Variants in RNF111 observed in about 807,000 individuals in gnomAD.
RNF111 encodes the protein ring finger protein 111.
In RNF111, 17 loss-of-function variants were observed where a neutral mutation model predicts 95.1. The ratio of observed to expected loss-of-function variants is 0.18; its 90% confidence interval spans 0.12 to 0.27. The LOEUF (loss-of-function observed/expected upper bound fraction) is 0.27. RNF111 is among the 10% of genes least tolerant of loss of function. RNF111 has a pLI of 1.00. For synonymous variants in RNF111, 440 were observed against 414.8 expected (o/e 1.06, Z -0.74); for missense variants, 1,189 against 1,210.4 (o/e 0.98, Z 0.26).
At chr15:59,001,117 G>A (rs1046877253) in intron 1 of RNF111, among the ~76,000 whole-genome samples, 6 of 152,178 alleles carry the variant, frequency 3.9e-5, no homozygotes, top group Non-Finnish European at 5.9e-5. Flanking sequence ...GTGAATGAGT[G>A]AGCCTCGTGG....
chr15:58,990,414 C>T (rs1341586979), intron 1 of RNF111, among the ~76,000 whole-genome samples: 1 of 152,180 alleles, frequency 6.6e-6, no homozygotes, highest in Non-Finnish European at 1.5e-5. Flanking sequence ...AATCCCAGCA[C>T]TTTGGGAGGC....
intron 3 of RNF111, among the ~76,000 whole-genome samples, chr15:59,054,390 T>A (rs908404489): frequency 2.0e-5 from 3 of 152,212 alleles, no homozygotes; most frequent in Admixed American, 6.5e-5. Context: ...TACAATATGA[T>A]GCTTTCACAA....
chr15:59,075,170 CAG>C lies in RNF111; in HGVS notation c.1687-781_1687-780del, dbSNP rs548373104. ...GAATTACCAAAATGTGACACAGACA[CAG>C]AGTTTCCACATGCTGTTGGAAAAAT... On this transcript the variant is annotated intron_variant, in intron 6 of 13. Coordinates refer to ENST00000348370, the MANE Select transcript of RNF111 (RefSeq NM_017610.8). 2.1e-3 allele frequency among the ~76,000 whole-genome samples: 325 copies of C among 152,238 alleles called. 1 individual carries two copies. Among genetic ancestry groups the C allele is most frequent in the African/African-American group, 7.1e-3 (294 of 41,542 alleles).
intron 2 of RNF111, among the ~76,000 whole-genome samples, chr15:59,041,707 A>G (rs1253908988): frequency 6.6e-6 from 1 of 152,116 alleles, no homozygotes; most frequent in Non-Finnish European, 1.5e-5. Context: ...ATATGGCCAC[A>G]TTTTTCTCCA....
intron 1 of RNF111, among the ~76,000 whole-genome samples, chr15:58,992,037 G>GTATTT (rs558012796): frequency 4.0e-3 from 606 of 152,058 alleles, no homozygotes; most frequent in East Asian, 0.012. Flanking sequence ...CAAATGTCTG[G>GTATTT]TATTTTATTT....
chr15:59,032,536 G>T (rs1229388345), intron 2 of RNF111, among the ~76,000 whole-genome samples: 1 of 152,006 alleles, frequency 6.6e-6, no homozygotes, highest in South Asian at 2.1e-4. Context: ...GTCCTCCCAC[G>T]TCAGCGCCTC....
chr15:58,990,035 T>C (rs1199535627), intron 1 of RNF111, among the ~76,000 whole-genome samples: 2 of 152,216 alleles, frequency 1.3e-5, no homozygotes, highest in Non-Finnish European at 2.9e-5. Flanking sequence ...AAATATGTTA[T>C]AACTTGACAT....
intron 1 of RNF111, among the ~76,000 whole-genome samples, chr15:59,020,463 T>C (rs1481068610): frequency 6.6e-6 from 1 of 152,178 alleles, no homozygotes; most frequent in Non-Finnish European, 1.5e-5. Context: ...TGTTCAGGCT[T>C]GTGAGGTTAG....
rs7177112 is a variant in RNF111 at position 59,089,648 on chromosome 15, A to G, written c.2551-19A>G. 0.022 allele frequency: 33,838 copies of G among 1,572,144 alleles called. 586 individuals are homozygous for G. Among genetic ancestry groups the G allele is most frequent in the African/African-American group, 0.083 (6,119 of 74,156 alleles). ...TCTATTCTTAAAATTGATTTAGCCT[A>G]TCTCTTCTGTTGAAATAGGTTCCTG... On this transcript the variant is annotated intron_variant, in intron 10 of 13. Coordinates refer to ENST00000348370, the MANE Select transcript of RNF111 (RefSeq NM_017610.8).
chr15:59,063,963 G>C (rs2042546736), intron 5 of RNF111, among the ~76,000 whole-genome samples: 1 of 152,136 alleles, frequency 6.6e-6, no homozygotes, highest in Non-Finnish European at 1.5e-5. Context: ...ATATTGACTT[G>C]TATAACACTT....
intron 1 of RNF111, among the ~76,000 whole-genome samples, chr15:59,023,504 A>T (rs1037216705): frequency 6.6e-6 from 1 of 151,460 alleles, no homozygotes; most frequent in Non-Finnish European, 1.5e-5. Context: ...TGTAAAGGAA[A>T]GTCATTGATT....
chr15:59,073,351 T>G (rs535192472), intron 6 of RNF111, among the ~76,000 whole-genome samples: 1 of 152,056 alleles, frequency 6.6e-6, no homozygotes, highest in South Asian at 2.1e-4. Context: ...CGTGGTGGCA[T>G]GCACCTGTAA....
chr15:59,040,339 G>T (rs1258903367), intron 2 of RNF111, among the ~76,000 whole-genome samples: 1 of 151,858 alleles, frequency 6.6e-6, no homozygotes, highest in African/African-American at 2.4e-5. Flanking sequence ...ACGTTGCCCA[G>T]TTTGGTCTCA....
intron 2 of RNF111, 66 bp downstream of exon 2, chr15:59,031,768 T>C: frequency 1.4e-6 from 2 of 1,428,606 alleles, no homozygotes; most frequent in Non-Finnish European, 1.9e-6. Context: ...AATTTTTTGT[T>C]TGTGTCTTAC....
At chr15:59,019,823 G>A (rs775014685) in intron 1 of RNF111, among the ~76,000 whole-genome samples, 4 of 152,054 alleles carry the variant, frequency 2.6e-5, no homozygotes, top group Non-Finnish European at 5.9e-5. Context: ...GCCAGGTGTG[G>A]TGGTGTGTGC....
intron 2 of RNF111, among the ~76,000 whole-genome samples, chr15:59,048,138 G>A (rs1162931968): frequency 6.6e-6 from 1 of 152,160 alleles, no homozygotes; most frequent in African/African-American, 2.4e-5. Flanking sequence ...GCACATGTTT[G>A]TAGGAAGACT....
At chr15:59,037,078 G>A (rs960317724) in intron 2 of RNF111, among the ~76,000 whole-genome samples, 13 of 150,932 alleles carry the variant, frequency 8.6e-5, no homozygotes, top group African/African-American at 3.2e-4. Flanking sequence ...CTTAAGTGAT[G>A]TGCCTGCCTC....
chr15:58,992,548 T>C (rs1383692840), intron 1 of RNF111, among the ~76,000 whole-genome samples: 1 of 152,220 alleles, frequency 6.6e-6, no homozygotes, highest in Non-Finnish European at 1.5e-5. Flanking sequence ...CTGGGCCCAG[T>C]GGCTCATGCC....
chr15:59,029,422 G>A (rs568588498), intron 1 of RNF111, among the ~76,000 whole-genome samples: 3 of 152,286 alleles, frequency 2.0e-5, no homozygotes, highest in South Asian at 4.1e-4. Context: ...TACAGATAGC[G>A]CGTGATGGCT....
Sources: gnomAD v4.1 joint callset for allele counts (sites outside exome capture counted in the v4.1 genomes callset) on GRCh38, gnomAD v4.1.1 for gene constraint, MANE v1.5 for transcripts, NCBI Gene and HGNC (gene_info 2026-07-23, HGNC 2026-07-21) for gene names.